MRPS28: variants seen among roughly 807,000 people sequenced by gnomAD.
MRPS28 encodes the protein small ribosomal subunit protein bS1m.
In MRPS28, 7 loss-of-function variants were observed where a neutral mutation model predicts 10.8. The observed-to-expected ratio is 0.65, with a 90% confidence interval of 0.37 to 1.22. The LOEUF (loss-of-function observed/expected upper bound fraction) is 1.22, where lower values mean the gene tolerates loss of function less well. MRPS28 is among the 50% of genes most tolerant of loss of function. MRPS28 has a pLI of 0.02. For missense variants in MRPS28, 265 were observed against 232.9 expected (o/e 1.14, Z -0.90); for synonymous variants, 121 against 93.3 (o/e 1.30, Z -1.71).
At chr8:80,026,877 T>G (rs142364292) in intron 1 of MRPS28, among the ~76,000 whole-genome samples, 337 of 152,326 alleles carry the variant, frequency 2.2e-3, no homozygotes, top group African/African-American at 7.9e-3. Flanking sequence ...ATATACTGCC[T>G]TATGTTTTTA....
intron 2 of MRPS28, among the ~76,000 whole-genome samples, chr8:79,966,404 C>T (rs1197302822): frequency 1.3e-5 from 2 of 151,958 alleles, no homozygotes; most frequent in East Asian, 1.9e-4. Flanking sequence ...AATCCACCAT[C>T]GTAATGATTT....
At chr8:79,945,591 A>C (rs1806893161) in intron 2 of MRPS28, among the ~76,000 whole-genome samples, 1 of 152,196 alleles carries the variant, frequency 6.6e-6, no homozygotes, top group Non-Finnish European at 1.5e-5. Flanking sequence ...AACATTTTGA[A>C]AATACTAAAT....
intron 2 of MRPS28, among the ~76,000 whole-genome samples, chr8:79,943,162 T>C (rs1440807386): frequency 6.6e-6 from 1 of 152,184 alleles, no homozygotes; most frequent in Non-Finnish European, 1.5e-5. Context: ...TACACCAATA[T>C]ATAAAGACAG....
chr8:80,019,635 CA>C (rs1390581953), intron 1 of MRPS28, among the ~76,000 whole-genome samples: 3 of 150,864 alleles, frequency 2.0e-5, no homozygotes, highest in Non-Finnish European at 4.4e-5. Context: ...CTAGCTAATG[CA>C]ATAAGACAAA....
intron 1 of MRPS28, among the ~76,000 whole-genome samples, chr8:80,024,462 T>C (rs1809449513): frequency 6.6e-6 from 1 of 152,164 alleles, no homozygotes; most frequent in Non-Finnish European, 1.5e-5. Flanking sequence ...GGATAAGAAC[T>C]TCATGATGCA....
chr8:80,003,063 C>CTTTCAT lies in MRPS28; in HGVS notation c.330_331insATGAAA (p.Asn110_Asp111insMetLys). ...TTTCCACCAAAATCTATGTACAGAT[C>CTTTCAT]ATTCTCCACAATATGAAAGATCCGT... On this transcript the variant is annotated inframe_insertion, in exon 2 of 3. Transcript: ENST00000276585. 1 of 1,613,196 alleles carries CTTTCAT rather than the reference C, an allele frequency of 6.2e-7. No individual in the cohort carries two copies. The highest frequency in any genetic ancestry group is 8.5e-7 in the Non-Finnish European group (1 of 1,179,746).
At chr8:79,979,855 T>C (rs542294567) in intron 2 of MRPS28, among the ~76,000 whole-genome samples, 90 of 115,122 alleles carry the variant, frequency 7.8e-4, no homozygotes, top group Non-Finnish European at 1.3e-3. Context: ...TGTTAAAGCA[T>C]AAAGCATTGT....
intron 2 of MRPS28, among the ~76,000 whole-genome samples, chr8:79,966,035 A>G (rs1285779484): frequency 1.3e-5 from 2 of 152,086 alleles, no homozygotes; most frequent in Non-Finnish European, 2.9e-5. Flanking sequence ...CATATCTAGC[A>G]GTATGTTAGA....
chr8:79,944,579 C>CA (rs1300186843), intron 2 of MRPS28, among the ~76,000 whole-genome samples: 1 of 151,986 alleles, frequency 6.6e-6, no homozygotes. Context: ...CATTACCTAC[C>CA]AAAAAGAACC....
At chr8:79,992,953 T>C (rs1029386159) in intron 2 of MRPS28, among the ~76,000 whole-genome samples, 7 of 152,208 alleles carry the variant, frequency 4.6e-5, no homozygotes, top group Non-Finnish European at 7.3e-5. Flanking sequence ...ATTCAACAAA[T>C]GTTAGCTATT....
intron 1 of MRPS28, among the ~76,000 whole-genome samples, chr8:80,029,407 A>G (rs1809585164): frequency 1.3e-5 from 2 of 152,122 alleles, no homozygotes; most frequent in Admixed American, 1.3e-4. Flanking sequence ...TAGGCTTGTA[A>G]TTTTATTTCT....
intron 1 of MRPS28, among the ~76,000 whole-genome samples, chr8:80,021,749 C>T (rs982491406): frequency 6.6e-6 from 1 of 152,074 alleles, no homozygotes; most frequent in Non-Finnish European, 1.5e-5. Flanking sequence ...GTGCTGGGCC[C>T]GAGAGACCAG....
chr8:80,022,752 T>G (rs1434584803), intron 1 of MRPS28, among the ~76,000 whole-genome samples: 1 of 152,236 alleles, frequency 6.6e-6, no homozygotes, highest in Non-Finnish European at 1.5e-5. Flanking sequence ...ATAATCAGGT[T>G]ATAAAAATTA....
chr8:79,935,063 T>C (rs1484391582), intron 2 of MRPS28, among the ~76,000 whole-genome samples: 1 of 152,226 alleles, frequency 6.6e-6, no homozygotes, highest in Non-Finnish European at 1.5e-5. Context: ...TTTGCCAAAA[T>C]GAGTGTGTTA....
chr8:80,007,374 C>A (rs1808882239), intron 1 of MRPS28, among the ~76,000 whole-genome samples: 1 of 152,128 alleles, frequency 6.6e-6, no homozygotes, highest in Non-Finnish European at 1.5e-5. Flanking sequence ...GAAAGGGATG[C>A]CCTCTCTCAC....
chr8:79,957,165 CTG>C (rs1402003043), intron 2 of MRPS28: 1 of 152,124 alleles, frequency 6.6e-6, no homozygotes, highest in African/African-American at 2.4e-5. Flanking sequence ...CTGCCACATT[CTG>C]TTTTTTCTTA....
intron 2 of MRPS28, among the ~76,000 whole-genome samples, chr8:79,963,187 G>A (rs893411227): frequency 6.6e-6 from 1 of 152,096 alleles, no homozygotes; most frequent in Non-Finnish European, 1.5e-5. Context: ...TATTCATGCT[G>A]GAGTCAAGGA....
At chr8:79,926,350 G>C (rs1810235774) in intron 2 of MRPS28, among the ~76,000 whole-genome samples, 2 of 152,154 alleles carry the variant, frequency 1.3e-5, no homozygotes, top group Admixed American at 1.3e-4. Context: ...ACAGAGGTTT[G>C]ACTGTGACCA....
chr8:79,988,533 A>G (rs1808263289), intron 2 of MRPS28, among the ~76,000 whole-genome samples: 1 of 152,028 alleles, frequency 6.6e-6, no homozygotes, highest in South Asian at 2.1e-4. Context: ...GGTAAGAACA[A>G]AGCATCATGT....
Sources: allele counts gnomAD v4.1 joint callset (sites outside exome capture counted in the v4.1 genomes callset), GRCh38; gene constraint gnomAD v4.1.1; transcripts MANE v1.5; gene names NCBI Gene and HGNC (gene_info 2026-07-23, HGNC 2026-07-21).